Variants in SHISA9 observed in about 807,000 individuals in gnomAD.
SHISA9 encodes protein shisa-9.
In SHISA9, 13 loss-of-function variants were observed where a neutral mutation model predicts 38.0. The observed-to-expected ratio is 0.34, with a 90% CI of 0.22 to 0.54. The LOEUF (loss-of-function observed/expected upper bound fraction) is 0.54, where lower values mean the gene tolerates loss of function less well. Among genes scored for constraint, SHISA9 ranks in the 20% least tolerant of loss-of-function variants. The probability of loss-of-function intolerance (pLI) is 0.91; values close to 1 mark genes in which losing one functional copy is unlikely to be tolerated. For synonymous variants in SHISA9, 275 were observed against 242.0 expected (o/e 1.14, Z -1.27); for missense variants, 538 against 575.8 (o/e 0.93, Z 0.67).
At chr16:13,169,823 G>C (rs2050669614) in intron 2 of SHISA9, among the ~76,000 whole-genome samples, 1 of 152,044 alleles carries the variant, frequency 6.6e-6, no homozygotes, top group South Asian at 2.1e-4. Context: ...TCTTCTCTTG[G>C]GGCTTTCCTG....
At chr16:13,327,339 C>T in the SHISA9 span, among the ~76,000 whole-genome samples, 11 of 151,986 alleles carry the variant, frequency 7.2e-5, no homozygotes, top group African/African-American at 9.7e-5. Flanking sequence ...GGCATAGCCA[C>T]GTGCGGTGTC....
At chr16:13,127,509 G>A (rs1464151022) in intron 2 of SHISA9, among the ~76,000 whole-genome samples, 1 of 151,922 alleles carries the variant, frequency 6.6e-6, no homozygotes, top group Admixed American at 6.6e-5. Flanking sequence ...ACAAGAAAAG[G>A]ATAGAGAATA....
chr16:13,538,660 T>C, the SHISA9 span, among the ~76,000 whole-genome samples: 1 of 152,168 alleles, frequency 6.6e-6, no homozygotes, highest in Non-Finnish European at 1.5e-5. Context: ...AGAAACAAGA[T>C]GAAAAAGCTA....
chr16:13,061,165 T>A (rs968354575), intron 2 of SHISA9, among the ~76,000 whole-genome samples: 3 of 152,132 alleles, frequency 2.0e-5, no homozygotes, highest in East Asian at 1.9e-4. Context: ...TTTCAGGCCC[T>A]CCACACGGGG....
chr16:12,983,853 A>T lies in SHISA9; in HGVS notation c.691+67038A>T, dbSNP rs145260578. Among the ~76,000 whole-genome samples, 8 of 152,184 alleles carry T rather than the reference A, an allele frequency of 5.3e-5. No individual in the cohort carries two copies. In the East Asian group the frequency reaches 1.5e-3, roughly 29 times the overall value. ...GCTCTGTCTTCTACTCCTGATTCTC[A>T]GTTAGAGTCCTCTTTAGCTCAGGCT... On this transcript the variant is annotated intron_variant, in intron 2 of 4. Transcript: ENST00000558583.
At chr16:13,460,911 C>A in the SHISA9 span, among the ~76,000 whole-genome samples, 6 of 152,196 alleles carry the variant, frequency 3.9e-5, no homozygotes, top group Admixed American at 6.5e-5. Context: ...GCCAACCAGC[C>A]GCTCAGTATG....
Position 12,902,273 on chromosome 16 carries a change from C to A in SHISA9, c.209C>A (p.Thr70Lys), listed in dbSNP as rs1196335452. 1 of 1,548,744 alleles carries A rather than the reference C, an allele frequency of 6.5e-7. No homozygotes were observed. Among genetic ancestry groups the A allele is most frequent in the East Asian group, 2.4e-5 (1 of 40,894 alleles). ...ASDAPPTRAP[T>K]PDFCRGYFDV... is the part of the protein sequence containing the mutation. ...GACGCGCCCCCGACCCGGGCGCCCACGCCGGACTTCTGCCGGGGCTACTTC... is the reference window on the plus strand; with the variant it reads ...GACGCGCCCCCGACCCGGGCGCCCAAGCCGGACTTCTGCCGGGGCTACTTC... The change falls in exon 1 of 5, where the codon ACG becomes AAG. Residue 70 changes from threonine to lysine, a missense_variant. This residue lies in a region of SHISA9 where 17 missense variants were observed against 57.2 expected (regional missense o/e 0.30). Transcript: ENST00000558583.
the SHISA9 span, among the ~76,000 whole-genome samples, chr16:13,388,806 T>G: frequency 6.6e-6 from 1 of 152,140 alleles, no homozygotes; most frequent in African/African-American, 2.4e-5. Flanking sequence ...AAGGACCTCA[T>G]TCTAGAGGAG....
the SHISA9 span, among the ~76,000 whole-genome samples, chr16:13,387,748 A>G: frequency 6.6e-6 from 1 of 152,086 alleles, no homozygotes; most frequent in Non-Finnish European, 1.5e-5. Context: ...TCGGCCTCCC[A>G]AAGTGCTGGG....
the SHISA9 span, among the ~76,000 whole-genome samples, chr16:13,562,103 G>C: frequency 6.6e-6 from 1 of 152,150 alleles, no homozygotes; most frequent in African/African-American, 2.4e-5. Context: ...TAACAGTCTT[G>C]CATCTTTCTG....
chr16:13,229,448 C>CA (rs1427699375), intron 4 of SHISA9, among the ~76,000 whole-genome samples: 1 of 152,112 alleles, frequency 6.6e-6, no homozygotes, highest in African/African-American at 2.4e-5. Flanking sequence ...AGTTCTCTAA[C>CA]AAAAAACACC....
chr16:13,434,727 T>G, the SHISA9 span, among the ~76,000 whole-genome samples: 9 of 152,180 alleles, frequency 5.9e-5, no homozygotes, highest in South Asian at 1.7e-3. Context: ...CTAGAAAAGC[T>G]ATGTTTTATA....
the SHISA9 span, among the ~76,000 whole-genome samples, chr16:13,546,890 G>T: frequency 6.6e-6 from 1 of 152,132 alleles, no homozygotes; most frequent in Admixed American, 6.5e-5. Flanking sequence ...GACCCCTGTG[G>T]TATATCATCT....
intron 2 of SHISA9, among the ~76,000 whole-genome samples, chr16:12,946,722 A>G (rs2071692909): frequency 6.6e-6 from 1 of 152,246 alleles, no homozygotes; most frequent in Admixed American, 6.5e-5. Flanking sequence ...GACATTCTCA[A>G]TAGCCATGGC....
At chr16:13,146,648 C>T (rs2142000650) in intron 2 of SHISA9, among the ~76,000 whole-genome samples, 1 of 152,260 alleles carries the variant, frequency 6.6e-6, no homozygotes, top group South Asian at 2.1e-4. Context: ...TCTCATTCAA[C>T]CCTTTGAGAT....
chr16:12,910,334 A>G (rs1016143975), intron 1 of SHISA9: 5 of 270,920 alleles, frequency 1.8e-5, no homozygotes, highest in Admixed American at 6.5e-5. Flanking sequence ...TTCATTCGAT[A>G]GGTATTTACT....
At chr16:13,416,743 AAAGGAAGG>A in the SHISA9 span, among the ~76,000 whole-genome samples, 2,782 of 113,282 alleles carry the variant, frequency 0.025, 136 homozygotes, top group African/African-American at 0.073. Context: ...AGAAAGAAAG[AAAGGAAGG>A]AAGGAAGGAA....
chr16:13,375,883 C>G, the SHISA9 span, among the ~76,000 whole-genome samples: 20 of 152,226 alleles, frequency 1.3e-4, no homozygotes, highest in Non-Finnish European at 2.2e-4. Flanking sequence ...CTATCAAAAT[C>G]CTAGCTCCCG....
chr16:13,506,477 A>C, the SHISA9 span, among the ~76,000 whole-genome samples: 1 of 152,192 alleles, frequency 6.6e-6, no homozygotes, highest in Non-Finnish European at 1.5e-5. Flanking sequence ...GAGTGTGATG[A>C]GGAGGACGGG....
Sources: allele counts gnomAD v4.1 joint callset (sites outside exome capture counted in the v4.1 genomes callset), GRCh38; gene constraint gnomAD v4.1.1; regional missense constraint gnomAD v4.1.1; transcripts MANE v1.5; gene names NCBI Gene and HGNC (gene_info 2026-07-23, HGNC 2026-07-21).